UBE2E2: variants seen among roughly 807,000 people sequenced by gnomAD.
The protein encoded by UBE2E2 is ubiquitin-conjugating enzyme E2 E2.
In UBE2E2, 6 loss-of-function variants were observed where a neutral mutation model predicts 24.7. That is an observed-to-expected ratio of 0.24 (90% confidence interval 0.13 to 0.48). The LOEUF (loss-of-function observed/expected upper bound fraction) is 0.48. UBE2E2 is among the 20% of genes least tolerant of loss of function. The pLI is 0.99. For synonymous variants in UBE2E2, 104 were observed against 83.6 expected, an observed-to-expected ratio of 1.24 and a Z score of -1.33; for missense variants, 169 against 245.0, an observed-to-expected ratio of 0.69 and a Z score of 2.07.
intron 3 of UBE2E2, among the ~76,000 whole-genome samples, chr3:23,360,205 C>T (rs1696073210): frequency 6.6e-6 from 1 of 152,108 alleles, no homozygotes; most frequent in Non-Finnish European, 1.5e-5. Flanking sequence ...AAAGTATTCC[C>T]ATAGTCATCC....
Position 23,574,088 on chromosome 3 carries a change from G to T in UBE2E2, c.509-15646G>T, listed in dbSNP as rs551650372. Among the ~76,000 whole-genome samples the T allele has an allele frequency of 2.3e-4, 35 of 152,294 alleles. 1 individual carries two copies. In the South Asian group the frequency reaches 4.1e-3, roughly 18 times the overall value. On this transcript the variant is annotated intron_variant, in intron 5 of 5. Coordinates refer to ENST00000396703, the MANE Select transcript of UBE2E2 (RefSeq NM_152653.4). ...ATTTGCAACAACATGGACGGAGCTGGAGGTCATTATGTTAAGTGAAATAAG... is the reference window on the plus strand; with the variant it reads ...ATTTGCAACAACATGGACGGAGCTGTAGGTCATTATGTTAAGTGAAATAAG...
At chr3:23,439,455 A>G (rs1427677495) in intron 3 of UBE2E2, among the ~76,000 whole-genome samples, 1 of 152,208 alleles carries the variant, frequency 6.6e-6, no homozygotes, top group Non-Finnish European at 1.5e-5. Context: ...TCTTATGGAT[A>G]AGTGTTTGGA....
At chr3:23,586,392 T>C (rs2125522208) in intron 5 of UBE2E2, among the ~76,000 whole-genome samples, 1 of 152,240 alleles carries the variant, frequency 6.6e-6, no homozygotes, top group East Asian at 1.9e-4. Context: ...ACTTCTGGGC[T>C]CAAGCGATCC....
intron 3 of UBE2E2, among the ~76,000 whole-genome samples, chr3:23,289,243 C>T (rs1427342093): frequency 6.6e-6 from 1 of 152,134 alleles, no homozygotes; most frequent in East Asian, 1.9e-4. Context: ...AAAGTGGAAA[C>T]GTGGTCAGTC....
chr3:23,422,688 G>A (rs1697831288), intron 3 of UBE2E2, among the ~76,000 whole-genome samples: 1 of 152,134 alleles, frequency 6.6e-6, no homozygotes, highest in African/African-American at 2.4e-5. Flanking sequence ...TTTCCAGAAG[G>A]CAGAACAGAG....
chr3:23,458,043 C>T (rs1575643299), intron 3 of UBE2E2, among the ~76,000 whole-genome samples: 1 of 152,106 alleles, frequency 6.6e-6, no homozygotes, highest in East Asian at 1.9e-4. Flanking sequence ...CTTTTGCATT[C>T]ACAACTTGGC....
chr3:23,251,548 T>C (rs901963029), intron 3 of UBE2E2, among the ~76,000 whole-genome samples: 7 of 152,218 alleles, frequency 4.6e-5, no homozygotes, highest in Admixed American at 2.0e-4. Flanking sequence ...GACATGTTCA[T>C]GCAACCCATG....
At chr3:23,256,814 A>G (rs1190850582) in intron 3 of UBE2E2, among the ~76,000 whole-genome samples, 1 of 152,158 alleles carries the variant, frequency 6.6e-6, no homozygotes, top group Non-Finnish European at 1.5e-5. Context: ...ACGCACATAT[A>G]AAATCACTTT....
intron 3 of UBE2E2, among the ~76,000 whole-genome samples, chr3:23,296,352 A>G (rs565128651): frequency 6.6e-6 from 1 of 151,954 alleles, no homozygotes; most frequent in Non-Finnish European, 1.5e-5. Context: ...TTTAGGGTAC[A>G]TGTGCACGAC....
At chr3:23,312,351 A>C (rs1318219949) in intron 3 of UBE2E2, among the ~76,000 whole-genome samples, 1 of 152,198 alleles carries the variant, frequency 6.6e-6, no homozygotes, top group South Asian at 2.1e-4. Flanking sequence ...ATCAGGGTAA[A>C]TGTATTCCTT....
At chr3:23,386,624 A>G (rs1474398974) in intron 3 of UBE2E2, among the ~76,000 whole-genome samples, 1 of 152,254 alleles carries the variant, frequency 6.6e-6, no homozygotes, top group Non-Finnish European at 1.5e-5. Flanking sequence ...TAAATGTATA[A>G]TGAGTTTTTA....
intron 3 of UBE2E2, among the ~76,000 whole-genome samples, chr3:23,331,759 G>T (rs1695065289): frequency 1.3e-5 from 2 of 152,086 alleles, no homozygotes. Flanking sequence ...GAGCCATGAT[G>T]AATCCCGTAG....
intron 3 of UBE2E2, among the ~76,000 whole-genome samples, chr3:23,225,867 G>A (rs1696805608): frequency 6.7e-6 from 1 of 148,232 alleles, no homozygotes; most frequent in Non-Finnish European, 1.5e-5. Context: ...TTTTATAGAA[G>A]AAAGTGTTTT....
intron 3 of UBE2E2, among the ~76,000 whole-genome samples, chr3:23,334,925 A>G (rs1013404993): frequency 3.3e-5 from 5 of 152,194 alleles, no homozygotes; most frequent in Non-Finnish European, 5.9e-5. Context: ...TTCTTGGTCT[A>G]TAAAGATCTT....
intron 5 of UBE2E2, among the ~76,000 whole-genome samples, chr3:23,556,653 C>T (rs946097254): frequency 6.6e-6 from 1 of 152,028 alleles, no homozygotes; most frequent in Admixed American, 6.5e-5. Flanking sequence ...AGAGTCCTCC[C>T]TTAAAATATG....
At chr3:23,452,857 A>T (rs1205134696) in intron 3 of UBE2E2, among the ~76,000 whole-genome samples, 1 of 152,180 alleles carries the variant, frequency 6.6e-6, no homozygotes, top group African/African-American at 2.4e-5. Context: ...AGTTCTTTTT[A>T]TGCCGTCTCT....
chr3:23,364,206 C>T (rs909957161), intron 3 of UBE2E2, among the ~76,000 whole-genome samples: 1 of 152,040 alleles, frequency 6.6e-6, no homozygotes, highest in Admixed American at 6.6e-5. Flanking sequence ...CCTAACATCA[C>T]ACCCAGAGGA....
chr3:23,535,882 A>G (rs1460121511), intron 5 of UBE2E2, among the ~76,000 whole-genome samples: 3 of 152,032 alleles, frequency 2.0e-5, no homozygotes, highest in African/African-American at 7.2e-5. Flanking sequence ...CGGCCTCCCA[A>G]AGTGCTGGGA....
At position 23,208,776 on chromosome 3, in the gene UBE2E2, G is replaced by A; in HGVS notation, c.77G>A (p.Ser26Asn). The A allele has an allele frequency of 6.2e-7, 1 of 1,613,824 alleles. No individual in the cohort carries two copies. The highest frequency in any genetic ancestry group is 1.3e-5 in the African/African-American group (1 of 75,036). ...GGSSDGDQRE[S>N]VQQEPEREQV... ...AGTTCCGATGGAGATCAACGTGAAA[G>A]TGTTCAGCAAGAACCAGAAAGAGAA... The change falls in exon 2 of 6, where the codon AGT becomes AAT. Residue 26 changes from serine (S) to asparagine (N), a missense_variant. Physicochemically the swap from Ser to Asn is conservative, Grantham distance 46. Transcript: ENST00000396703.
Sources: gnomAD v4.1 joint callset for allele counts (sites outside exome capture counted in the v4.1 genomes callset) on GRCh38, gnomAD v4.1.1 for gene constraint, MANE v1.5 for transcripts, NCBI Gene and HGNC (gene_info 2026-07-23, HGNC 2026-07-21) for gene names.